Variants in TBL1X observed in about 807,000 individuals in gnomAD.
The protein encoded by TBL1X is F-box-like/WD repeat-containing protein TBL1X.
Under a neutral mutation model 50.7 loss-of-function variants are expected in TBL1X, and 10 were observed. The observed-to-expected ratio is 0.20, with a 90% CI of 0.12 to 0.33. The LOEUF is 0.33. Among genes scored for constraint, TBL1X ranks in the 10% least tolerant of loss-of-function variants. The probability of loss-of-function intolerance (pLI) is 1.00; values close to 1 mark genes in which losing one functional copy is unlikely to be tolerated. For synonymous variants in TBL1X, 190 were observed against 214.7 expected (o/e 0.88, Z 1.01); for missense variants, 340 against 504.4 (o/e 0.67, Z 3.12).
intron 1 of TBL1X, among the ~76,000 whole-genome samples, chrX:9,479,843 C>A (rs1300950948): frequency 4.5e-5 from 5 of 110,659 alleles, no homozygotes; most frequent in African/African-American, 1.3e-4. Flanking sequence ...GGTTTTTCAC[C>A]AAAAATAAAA....
intron 1 of TBL1X, among the ~76,000 whole-genome samples, chrX:9,483,555 C>T (rs995270715): frequency 7.2e-5 from 8 of 111,390 alleles, no homozygotes; most frequent in African/African-American, 2.6e-4. Context: ...CTAACTCCCC[C>T]CAACAAGAGC....
chrX:9,585,026 C>A (rs1405192465), intron 2 of TBL1X, among the ~76,000 whole-genome samples: 1 of 111,546 alleles, frequency 9.0e-6, no homozygotes, highest in Admixed American at 9.5e-5. Flanking sequence ...AATCCAACTG[C>A]AAGGAGAGAA....
chrX:9,466,149 C>T (rs1318357603), intron 1 of TBL1X, among the ~76,000 whole-genome samples: 1 of 102,976 alleles, frequency 9.7e-6, no homozygotes, highest in Non-Finnish European at 2.0e-5. Flanking sequence ...GAGCGCAGAC[C>T]TGTTGCTGCT....
At chrX:9,698,676 A>G (rs2083148828) in intron 12 of TBL1X, among the ~76,000 whole-genome samples, 1 of 112,226 alleles carries the variant, frequency 8.9e-6, no homozygotes, top group Admixed American at 9.4e-5. Flanking sequence ...CTGTTTGCAC[A>G]AACAAGTGTT....
chrX:9,691,728 G>GA lies in TBL1X; in HGVS notation c.749+17_749+18insA, dbSNP rs753778396. Reference sequence around the variant, plus strand: ...AGCCTCCGGGTAAGGATGTCAGGGTGGGGGGCGCTCCAGAGTTGGGGAGAT... The same window carrying GA: ...AGCCTCCGGGTAAGGATGTCAGGGTGAGGGGGCGCTCCAGAGTTGGGGAGAT... On this transcript the variant is annotated intron_variant, in intron 8 of 17. Coordinates refer to ENST00000645353, the MANE Select transcript of TBL1X (RefSeq NM_005647.4). The GA allele has an allele frequency of 1.1e-4, 130 of 1,138,573 alleles. No individual in the cohort carries two copies. The highest frequency in any genetic ancestry group is 1.4e-4 in the Non-Finnish European group (117 of 860,159). The allele number at this position is 1,138,573 out of a possible 1,213,427, so 93.8% of individuals were successfully genotyped here. A position where few individuals can be genotyped will look rare whatever the true frequency, so the allele number is the denominator to read the frequency against.
intron 1 of TBL1X, among the ~76,000 whole-genome samples, chrX:9,491,010 A>G (rs895041973): frequency 8.3e-5 from 9 of 108,723 alleles, no homozygotes; most frequent in Non-Finnish European, 1.5e-4. Flanking sequence ...AGGGGATCTC[A>G]CTCTATCACC....
intron 16 of TBL1X, 149 bp downstream of exon 16, chrX:9,711,925 A>C (rs1231549209): frequency 3.6e-6 from 2 of 558,607 alleles, no homozygotes; most frequent in Non-Finnish European, 5.2e-6. Context: ...GTCCACGTGC[A>C]CCCCACGTGG....
intron 2 of TBL1X, among the ~76,000 whole-genome samples, chrX:9,529,954 A>G (rs1016684427): frequency 1.8e-5 from 2 of 110,541 alleles, no homozygotes; most frequent in Admixed American, 1.9e-4. Flanking sequence ...AAAGAGAGAG[A>G]TAGAAAGAGA....
intron 5 of TBL1X, among the ~76,000 whole-genome samples, chrX:9,668,287 C>T (rs1601827538): frequency 9.1e-6 from 1 of 109,298 alleles, no homozygotes; most frequent in East Asian, 2.9e-4. Flanking sequence ...TTTCAGAAGG[C>T]AGTTGTTATA....
At chrX:9,484,507 A>G (rs984180319) in intron 1 of TBL1X, among the ~76,000 whole-genome samples, 2 of 110,913 alleles carry the variant, frequency 1.8e-5, no homozygotes, top group African/African-American at 3.3e-5. Context: ...CTGAAATCAT[A>G]TGGTATGTAC....
intron 2 of TBL1X, among the ~76,000 whole-genome samples, chrX:9,634,071 G>A (rs1034830218): frequency 8.9e-6 from 1 of 111,890 alleles, no homozygotes; most frequent in Non-Finnish European, 1.9e-5. Context: ...AAGATACACC[G>A]TGAGGTTGTG....
chrX:9,543,346 A>G (rs763908803), intron 2 of TBL1X, among the ~76,000 whole-genome samples: 152 of 111,860 alleles, frequency 1.4e-3, no homozygotes, highest in Middle Eastern at 4.6e-3. Context: ...TGAGTTGGCC[A>G]TATCCAAGCT....
chrX:9,639,764 C>T lies in TBL1X; in HGVS notation c.-130-509C>T, dbSNP rs150146750. 35 of 111,422 alleles carry T rather than the reference C, an allele frequency of 3.1e-4. No homozygotes were observed. In the East Asian group the frequency reaches 9.3e-3, roughly 30 times the overall value. 9.2% of individuals were successfully genotyped at this position (111,422 alleles called of 1,213,427 possible). A position where few individuals can be genotyped will look rare whatever the true frequency, so the allele number is the denominator to read the frequency against. On this transcript the variant is annotated intron_variant, in intron 2 of 17. Coordinates refer to ENST00000645353, the MANE Select transcript of TBL1X (RefSeq NM_005647.4). ...CAGTACATGAGGATGCATATATGCACACAAATGTGCCTGGTAGAGTTATTG... is the reference window on the plus strand; with the variant it reads ...CAGTACATGAGGATGCATATATGCATACAAATGTGCCTGGTAGAGTTATTG...
At chrX:9,601,979 G>C (rs1312018137) in intron 2 of TBL1X, among the ~76,000 whole-genome samples, 1 of 111,772 alleles carries the variant, frequency 8.9e-6, no homozygotes, top group East Asian at 2.8e-4. Context: ...GGGAGGCGGA[G>C]GTTGCAGTGA....
intron 2 of TBL1X, among the ~76,000 whole-genome samples, chrX:9,513,588 G>A (rs2082067627): frequency 9.0e-6 from 1 of 111,575 alleles, no homozygotes; most frequent in Non-Finnish European, 1.9e-5. Context: ...TTCAACAGAT[G>A]TTTGTTCCCT....
At chrX:9,538,986 A>G (rs184175762) in intron 2 of TBL1X, among the ~76,000 whole-genome samples, 46 of 112,441 alleles carry the variant, frequency 4.1e-4, no homozygotes, top group African/African-American at 1.3e-3. Flanking sequence ...GGAACGTGGC[A>G]CTCAGATAAC....
intron 5 of TBL1X, among the ~76,000 whole-genome samples, chrX:9,676,927 C>T (rs772012248): frequency 8.9e-6 from 1 of 111,935 alleles, no homozygotes; most frequent in Non-Finnish European, 1.9e-5. Flanking sequence ...TCTGGTGAGA[C>T]TAATCCATCA....
At chrX:9,476,278 T>C (rs745418120) in intron 1 of TBL1X, among the ~76,000 whole-genome samples, 19 of 112,072 alleles carry the variant, frequency 1.7e-4, no homozygotes, top group Non-Finnish European at 3.6e-4. Context: ...ATATACCTTA[T>C]CTGACTCCAC....
intron 2 of TBL1X, among the ~76,000 whole-genome samples, chrX:9,599,959 G>A (rs750609223): frequency 3.6e-5 from 4 of 111,555 alleles, no homozygotes; most frequent in African/African-American, 9.8e-5. Context: ...CCAAAGCCTC[G>A]GAGAGGGCAG....
Sources: gnomAD v4.1 joint callset for allele counts (sites outside exome capture counted in the v4.1 genomes callset) on GRCh38, gnomAD v4.1.1 for gene constraint, MANE v1.5 for transcripts, NCBI Gene and HGNC (gene_info 2026-07-23, HGNC 2026-07-21) for gene names.